PLEKHM3: variants seen among roughly 807,000 people sequenced by gnomAD.
The protein encoded by PLEKHM3 is pleckstrin homology domain-containing family M member 3.
In PLEKHM3, 45 loss-of-function variants were observed where a neutral mutation model predicts 81.8. The observed-to-expected ratio is 0.55, with a 90% CI of 0.43 to 0.71. The LOEUF (loss-of-function observed/expected upper bound fraction) is 0.71, where lower values mean the gene tolerates loss of function less well. PLEKHM3 is among the 30% of genes least tolerant of loss of function. PLEKHM3 has a pLI of 0.00. For synonymous variants in PLEKHM3, 352 were observed against 356.4 expected, an observed-to-expected ratio of 0.99 and a Z score of 0.14; for missense variants, 788 against 924.3, an observed-to-expected ratio of 0.85 and a Z score of 1.91.
chr2:207,883,965 G>T (rs535066412), intron 6 of PLEKHM3, among the ~76,000 whole-genome samples: 1 of 152,118 alleles, frequency 6.6e-6, no homozygotes, highest in East Asian at 1.9e-4. Flanking sequence ...AATAGACATA[G>T]AAAAAGCATT....
intron 2 of PLEKHM3, among the ~76,000 whole-genome samples, chr2:207,993,283 C>T (rs1574475452): frequency 2.0e-5 from 3 of 152,108 alleles, no homozygotes; most frequent in Admixed American, 1.3e-4. Context: ...GGAAACTATA[C>T]GACCATATAA....
At chr2:207,880,097 T>C (rs2092578893) in intron 6 of PLEKHM3, among the ~76,000 whole-genome samples, 1 of 152,238 alleles carries the variant, frequency 6.6e-6, no homozygotes, top group South Asian at 2.1e-4. Context: ...TGCTCCCAAA[T>C]GGACAAAAGA....
chr2:208,010,214 C>T (rs923657592), intron 1 of PLEKHM3, among the ~76,000 whole-genome samples: 5 of 152,192 alleles, frequency 3.3e-5, no homozygotes, highest in Admixed American at 3.3e-4. Context: ...TATTGTTTGC[C>T]ACCTGCAAAA....
chr2:207,856,791 G>A (rs1436972915), intron 7 of PLEKHM3, among the ~76,000 whole-genome samples: 1 of 152,100 alleles, frequency 6.6e-6, no homozygotes, highest in African/African-American at 2.4e-5. Flanking sequence ...CTTTTGTGTG[G>A]ATATGTTATC....
At chr2:207,955,162 C>T (rs999118980) in intron 3 of PLEKHM3, among the ~76,000 whole-genome samples, 1 of 152,156 alleles carries the variant, frequency 6.6e-6, no homozygotes, top group Admixed American at 6.5e-5. Flanking sequence ...GAAGACATGA[C>T]TTGAGTTGTT....
intron 7 of PLEKHM3, among the ~76,000 whole-genome samples, chr2:207,858,637 C>A (rs1025724324): frequency 1.3e-5 from 2 of 151,936 alleles, no homozygotes; most frequent in East Asian, 3.9e-4. Flanking sequence ...TTTGCCACCA[C>A]GTCCAGCTAA....
At chr2:207,861,475 C>T (rs2092466595) in intron 6 of PLEKHM3, among the ~76,000 whole-genome samples, 1 of 152,186 alleles carries the variant, frequency 6.6e-6, no homozygotes, top group Non-Finnish European at 1.5e-5. Context: ...GATGCTGAAA[C>T]TTCTTTTGTA....
intron 4 of PLEKHM3, among the ~76,000 whole-genome samples, chr2:207,934,915 G>A (rs749884368): frequency 7.9e-5 from 12 of 152,176 alleles, no homozygotes; most frequent in Non-Finnish European, 1.2e-4. Context: ...GAGTGTTCTG[G>A]TATGCTCCCC....
intron 6 of PLEKHM3, among the ~76,000 whole-genome samples, chr2:207,878,848 T>C (rs1255840122): frequency 6.6e-6 from 1 of 152,010 alleles, no homozygotes; most frequent in Non-Finnish European, 1.5e-5. Context: ...TTTTTTATTT[T>C]TTTATTTTTT....
At chr2:208,008,501 C>CAAAAAA (rs59305459) in intron 1 of PLEKHM3, among the ~76,000 whole-genome samples, 82 of 83,678 alleles carry the variant, frequency 9.8e-4, no homozygotes, top group African/African-American at 3.9e-3. Flanking sequence ...CTAACCTTGC[C>CAAAAAA]AAAAAAAAAA....
chr2:207,960,231 G>A (rs1690681559), intron 3 of PLEKHM3, among the ~76,000 whole-genome samples: 1 of 152,170 alleles, frequency 6.6e-6, no homozygotes. Flanking sequence ...AGAAGGACCC[G>A]GGCATGCTCA....
intron 5 of PLEKHM3, among the ~76,000 whole-genome samples, chr2:207,916,297 T>G (rs561102693): frequency 6.6e-6 from 1 of 152,322 alleles, no homozygotes; most frequent in South Asian, 2.1e-4. Flanking sequence ...GGATGTAATT[T>G]TAATTGTGAG....
intron 1 of PLEKHM3, among the ~76,000 whole-genome samples, chr2:208,006,827 A>G (rs1046761524): frequency 6.6e-6 from 1 of 152,230 alleles, no homozygotes; most frequent in African/African-American, 2.4e-5. Flanking sequence ...CCCCTATTTA[A>G]TAGATTGAGA....
chr2:207,861,203 G>A lies in PLEKHM3; in HGVS notation c.2010C>T (p.His670=), dbSNP rs185632032. The change falls in exon 7 of 8, where the codon CAC becomes CAT. Residue 670 remains histidine (H), a synonymous_variant. Coordinates refer to ENST00000427836, the MANE Select transcript of PLEKHM3 (RefSeq NM_001080475.3). The part of the protein sequence containing the change: ...LGKVIKFATS[H]VYSCSLCSQK... ...GGCTACAAAGACTGCAGCTGTACACGTGTGAGGTGGCAAATTTAATGACCT... is the reference window on the plus strand; with the variant it reads ...GGCTACAAAGACTGCAGCTGTACACATGTGAGGTGGCAAATTTAATGACCT... The A allele has an allele frequency of 6.9e-4, 1,116 of 1,614,088 alleles. 15 individuals carry two copies. The South Asian group carries it at 0.011, about 16-fold the overall frequency.
At chr2:207,980,857 G>A (rs765811588) in intron 2 of PLEKHM3, among the ~76,000 whole-genome samples, 5 of 152,060 alleles carry the variant, frequency 3.3e-5, no homozygotes, top group South Asian at 2.1e-4. Flanking sequence ...GGCCGGGCAC[G>A]GTGGCTTACA....
At chr2:207,956,720 T>TTTTTTG (rs1690526597) in intron 3 of PLEKHM3, among the ~76,000 whole-genome samples, 1 of 103,606 alleles carries the variant, frequency 9.7e-6, no homozygotes, top group Non-Finnish European at 1.8e-5. Flanking sequence ...TGATTAAAAT[T>TTTTTTG]TTTTTTTTTT....
At chr2:207,993,211 CA>C (rs1390072504) in intron 2 of PLEKHM3, among the ~76,000 whole-genome samples, 3 of 152,124 alleles carry the variant, frequency 2.0e-5, no homozygotes, top group African/African-American at 7.2e-5. Flanking sequence ...TGTGGGCTGT[CA>C]ATGAGGCATA....
chr2:208,019,318 A>C (rs1460716940), intron 1 of PLEKHM3, among the ~76,000 whole-genome samples: 2 of 151,864 alleles, frequency 1.3e-5, no homozygotes, highest in African/African-American at 2.4e-5. Context: ...AACAAAACCA[A>C]ACCTGGAATT....
rs1008082285 is a variant in PLEKHM3 at position 207,823,305 on chromosome 2, T to G, written c.*5014A>C. The G allele has an allele frequency of 6.8e-6, 1 of 146,254 alleles. No individual in the cohort carries two copies. The highest frequency in any genetic ancestry group is 2.5e-5 in the African/African-American group (1 of 39,792). 9.1% of individuals were successfully genotyped at this position (146,254 alleles called of 1,614,324 possible). A position where few individuals can be genotyped will look rare whatever the true frequency, so the allele number is the denominator to read the frequency against. On this transcript the variant is annotated 3_prime_UTR_variant, in exon 8 of 8. Transcript: ENST00000427836. ...AAAACATGATCATTTGGAACTTACT[T>G]TTTTTTTTTTTTTTGAGACGGAGTC...
Sources: gnomAD v4.1 joint callset for allele counts (sites outside exome capture counted in the v4.1 genomes callset) on GRCh38, gnomAD v4.1.1 for gene constraint, MANE v1.5 for transcripts, NCBI Gene and HGNC (gene_info 2026-07-23, HGNC 2026-07-21) for gene names.